The following GTF2A1 variants were observed in gnomAD, a reference collection of about 807,000 sequenced individuals.
GTF2A1 encodes the protein transcription initiation factor IIA subunit 1.
GTF2A1 carries 12 observed loss-of-function variants against 54.1 expected under a neutral mutation model. That is an observed-to-expected ratio of 0.22 (90% CI 0.14 to 0.36). The LOEUF (loss-of-function observed/expected upper bound fraction) is 0.36, where lower values mean the gene tolerates loss of function less well. Ranked by LOEUF, GTF2A1 falls within the 10% of genes least tolerant of loss-of-function variation. The pLI is 1.00. For synonymous variants in GTF2A1, 145 were observed against 152.0 expected (o/e 0.95, Z 0.34); for missense variants, 335 against 442.2 (o/e 0.76, Z 2.17).
intron 2 of GTF2A1, among the ~76,000 whole-genome samples, chr14:81,205,238 G>A (rs1167859231): frequency 1.3e-5 from 2 of 152,034 alleles, no homozygotes; most frequent in Non-Finnish European, 1.5e-5. Flanking sequence ...TGAGATTATA[G>A]GCGTGAGCCA....
At chr14:81,211,905 A>ATATATATATATATATATATG in intron 2 of GTF2A1, among the ~76,000 whole-genome samples, 1 of 143,154 alleles carries the variant, frequency 7.0e-6, no homozygotes, top group Non-Finnish European at 1.5e-5. Flanking sequence ...ATATATATAT[A>ATATATATATATATATATATG]TATAACTAGA....
rs757044041 is a variant in GTF2A1, at chr14:81,211,875, TTATATATATATATATATA to T, written c.132+4520_132+4537del. 5.0e-3 allele frequency among the ~76,000 whole-genome samples: 344 copies of T among 68,496 alleles called. 7 individuals are homozygous for T. Among genetic ancestry groups the T allele is most frequent in the Admixed American group, 8.5e-3 (60 of 7,066 alleles). The allele number at this position is 68,496 out of a possible 152,430, so 44.9% of individuals were successfully genotyped here. ...ACATAATTAGAGTGTATCAAGTACTTTATATATATATATATATATATATATATATATATAACTAGAGTA... is the reference window on the plus strand; with the variant it reads ...ACATAATTAGAGTGTATCAAGTACTTTATATATATATATATAACTAGAGTA... On this transcript the variant is annotated intron_variant, in intron 2 of 8. Transcript: ENST00000553612.
At position 81,176,635 on chromosome 14, in the gene GTF2A1, T is replaced by C. The variant is rs1892534711; in HGVS notation, c.*3588A>G. The C allele has an allele frequency of 6.6e-6, 1 of 152,106 alleles. No homozygotes were observed. The highest frequency in any genetic ancestry group is 2.4e-5 in the African/African-American group (1 of 41,444). 9.4% of individuals were successfully genotyped at this position (152,106 alleles called of 1,614,324 possible). A position where few individuals can be genotyped will look rare whatever the true frequency, so the allele number is the denominator to read the frequency against. On this transcript the variant is annotated 3_prime_UTR_variant, in exon 9 of 9. Coordinates refer to ENST00000553612, the MANE Select transcript of GTF2A1 (RefSeq NM_015859.4). The stretch of plus-strand genomic sequence containing the variant: ...GGAACAATATAAACTTCGTAATAAT[T>C]TTCATAGCATAATAGAGGACTAAAA...
chr14:81,196,006 G>C, intron 6 of GTF2A1, 102 bp downstream of exon 6: 2 of 1,039,578 alleles, frequency 1.9e-6, no homozygotes, highest in Admixed American at 4.0e-5. Context: ...CTGTAGCACT[G>C]AAAAAGAGTC....
chr14:81,186,873 C>T (rs937703185), intron 7 of GTF2A1, among the ~76,000 whole-genome samples: 2 of 152,022 alleles, frequency 1.3e-5, no homozygotes, highest in African/African-American at 4.8e-5. Flanking sequence ...ATTACTTGAA[C>T]CCAGGTGGTT....
rs1182939985 is a variant in GTF2A1 at position 81,220,085 on chromosome 14, T to C, written c.30+404A>G. Among the ~76,000 whole-genome samples, 3 of 151,886 alleles carry C rather than the reference T, an allele frequency of 2.0e-5. No homozygotes were observed. The East Asian group carries it at 5.8e-4, about 30-fold the overall frequency. ...CGCCCGATTCCCCACACACAGTTTTTGTTCTGTAGCCACTCGGGGAGCCCT... is the reference window on the plus strand; with the variant it reads ...CGCCCGATTCCCCACACACAGTTTTCGTTCTGTAGCCACTCGGGGAGCCCT... On this transcript the variant is annotated intron_variant, in intron 1 of 8. Transcript: ENST00000553612.
intron 5 of GTF2A1, 94 bp from the exon 6 acceptor site, chr14:81,196,335 C>T (rs1157393946): frequency 9.4e-6 from 12 of 1,277,652 alleles, no homozygotes; most frequent in African/African-American, 8.9e-5. Flanking sequence ...ACCAAAGGCA[C>T]AAGAAATTAT....
At chr14:81,188,911 G>A (rs1009518676) in intron 7 of GTF2A1, among the ~76,000 whole-genome samples, 1 of 152,078 alleles carries the variant, frequency 6.6e-6, no homozygotes, top group South Asian at 2.1e-4. Context: ...ATGCCGTAGG[G>A]GTCCAACTTA....
At chr14:81,210,093 A>G (rs933123248) in intron 2 of GTF2A1, among the ~76,000 whole-genome samples, 1 of 152,230 alleles carries the variant, frequency 6.6e-6, no homozygotes, top group African/African-American at 2.4e-5. Flanking sequence ...CCTGCCTAAT[A>G]AATGCGAAAA....
intron 7 of GTF2A1, 27 bp from the exon 8 acceptor site, chr14:81,185,647 A>T: frequency 8.1e-7 from 1 of 1,239,828 alleles, no homozygotes; most frequent in Non-Finnish European, 1.2e-6. Context: ...AGTTCTTATT[A>T]CTATAAGAAG....
At chr14:81,200,885 C>CAAAAAAAA (rs36025974) in intron 4 of GTF2A1, among the ~76,000 whole-genome samples, 13 of 111,078 alleles carry the variant, frequency 1.2e-4, no homozygotes, top group Non-Finnish European at 1.9e-4. Flanking sequence ...ATGTTTTATC[C>CAAAAAAAA]AAAAAAAAAA....
chr14:81,210,048 ACAAGAAATATGC>A, intron 2 of GTF2A1: 1 of 132,294 alleles, frequency 7.6e-6, no homozygotes, highest in Non-Finnish European at 1.7e-5. Context: ...GAATGGTCCC[ACAAGAAATATGC>A]AGGAATTGCA....
rs78319827 is a variant in GTF2A1 at position 81,202,519 on chromosome 14, G to T, written c.338-861C>A. Among the ~76,000 whole-genome samples the T allele has an allele frequency of 1.5e-3, 236 of 152,306 alleles. No homozygotes were observed. In the Middle Eastern group the frequency reaches 0.017, roughly 11 times the overall value. ...AAGGTGGGAGGATCACTTGAGCCCAGGAGTTCTGGGCTGTATGTGCTATGC... is the reference window on the plus strand; with the variant it reads ...AAGGTGGGAGGATCACTTGAGCCCATGAGTTCTGGGCTGTATGTGCTATGC... On this transcript the variant is annotated intron_variant, in intron 3 of 8. Coordinates refer to ENST00000553612, the MANE Select transcript of GTF2A1 (RefSeq NM_015859.4).
chr14:81,199,174 A>G (rs981212971), intron 4 of GTF2A1, among the ~76,000 whole-genome samples: 4 of 152,240 alleles, frequency 2.6e-5, no homozygotes, highest in Non-Finnish European at 5.9e-5. Flanking sequence ...ATTTTGAAAG[A>G]CAGCAATTCT....
At chr14:81,190,543 GA>G (rs1485777990) in intron 7 of GTF2A1, among the ~76,000 whole-genome samples, 1 of 152,022 alleles carries the variant, frequency 6.6e-6, no homozygotes, top group East Asian at 1.9e-4. Flanking sequence ...AACATTACGT[GA>G]GAAATTATAC....
intron 2 of GTF2A1, among the ~76,000 whole-genome samples, chr14:81,208,967 C>G (rs2140036254): frequency 6.6e-6 from 1 of 152,296 alleles, no homozygotes; most frequent in East Asian, 1.9e-4. Context: ...GCAGAAGGGA[C>G]TTGCCTTGTC....
rs1892566406 is a variant in GTF2A1 at position 81,178,164 on chromosome 14, C to G, written c.*2059G>C. 1 of 152,166 alleles carries G rather than the reference C, an allele frequency of 6.6e-6. No individual in the cohort carries two copies. Among genetic ancestry groups the G allele is most frequent in the South Asian group, 2.1e-4 (1 of 4,822 alleles). The allele number at this position is 152,166 out of a possible 1,614,324, so 9.4% of individuals were successfully genotyped here. On this transcript the variant is annotated 3_prime_UTR_variant, in exon 9 of 9. Coordinates refer to ENST00000553612, the MANE Select transcript of GTF2A1 (RefSeq NM_015859.4). ...GGCCCAAGACAAGCTGAATATCATA[C>G]AGTAATCCAAGTTTCAGTAGCATAA...
At chr14:81,181,119 T>C (rs959295555) in intron 8 of GTF2A1, among the ~76,000 whole-genome samples, 3 of 152,200 alleles carry the variant, frequency 2.0e-5, no homozygotes, top group African/African-American at 7.2e-5. Context: ...CAAAAAGAGC[T>C]GAAGGGCAGG....
At chr14:81,185,672 T>TG in intron 7 of GTF2A1, 52 bp from the exon 8 acceptor site, 3 of 938,312 alleles carry the variant, frequency 3.2e-6, no homozygotes, top group Non-Finnish European at 5.0e-6. Context: ...TAATATTCAC[T>TG]GAAAAAAAAA....
Sources: allele counts gnomAD v4.1 joint callset (sites outside exome capture counted in the v4.1 genomes callset), GRCh38; gene constraint gnomAD v4.1.1; transcripts MANE v1.5; gene names NCBI Gene and HGNC (gene_info 2026-07-23, HGNC 2026-07-21).